ADORA2B: variants seen among roughly 807,000 people sequenced by gnomAD.
The protein encoded by ADORA2B is adenosine receptor A2b.
In ADORA2B, 18 loss-of-function variants were observed where a neutral mutation model predicts 20.8. The ratio of observed to expected loss-of-function variants is 0.87; its 90% CI spans 0.60 to 1.29. The LOEUF is 1.29. Among genes scored for constraint, ADORA2B ranks in the 50% most tolerant of loss-of-function variants. The probability of loss-of-function intolerance (pLI) is 0.00; values close to 1 mark genes in which losing one functional copy is unlikely to be tolerated. For synonymous variants in ADORA2B, 179 were observed against 178.3 expected (o/e 1.00, Z -0.03); for missense variants, 441 against 422.7 (o/e 1.04, Z -0.38).
At chr17:15,933,774 GTATATA>G in the ADORA2B span, among the ~76,000 whole-genome samples, 1 of 139,706 alleles carries the variant, frequency 7.2e-6, no homozygotes, top group Non-Finnish European at 1.6e-5. Flanking sequence ...ATATGTGTGT[GTATATA>G]TATATATATA....
At chr17:15,900,449 T>C in the ADORA2B span, among the ~76,000 whole-genome samples, 1 of 152,124 alleles carries the variant, frequency 6.6e-6, no homozygotes, top group African/African-American at 2.4e-5. Context: ...TTTTTATTTT[T>C]TATTTTTTAT....
chr17:15,933,616 C>T, the ADORA2B span, among the ~76,000 whole-genome samples: 516 of 152,128 alleles, frequency 3.4e-3, 2 homozygotes, highest in African/African-American at 0.012. Flanking sequence ...AGTAAAGATA[C>T]AATTAATTTT....
the ADORA2B span, among the ~76,000 whole-genome samples, chr17:15,926,754 T>G: frequency 6.6e-6 from 1 of 152,110 alleles, no homozygotes; most frequent in Non-Finnish European, 1.5e-5. Context: ...GAGGATCGCT[T>G]GAGCTCAAGA....
At chr17:15,894,232 C>T in the ADORA2B span, among the ~76,000 whole-genome samples, 1 of 152,214 alleles carries the variant, frequency 6.6e-6, no homozygotes, top group Admixed American at 6.5e-5. Context: ...CTGAACTACA[C>T]AGACAAGCAA....
chr17:15,952,905 T>G (rs1969923199), intron 1 of ADORA2B, among the ~76,000 whole-genome samples: 1 of 152,256 alleles, frequency 6.6e-6, no homozygotes, highest in East Asian at 1.9e-4. Context: ...ACTCCGAGGC[T>G]AACCAGCTGG....
At chr17:15,874,038 A>ATGTGTG in the ADORA2B span, among the ~76,000 whole-genome samples, 16 of 131,414 alleles carry the variant, frequency 1.2e-4, no homozygotes, top group African/African-American at 4.4e-4. Context: ...CTGTATATAT[A>ATGTGTG]TGTGTATATA....
the ADORA2B span, among the ~76,000 whole-genome samples, chr17:15,917,308 G>A: frequency 1.3e-5 from 2 of 152,174 alleles, no homozygotes; most frequent in East Asian, 1.9e-4. Flanking sequence ...TGCCTGCCAC[G>A]GTACGCTGGT....
At chr17:15,905,818 G>C in the ADORA2B span, among the ~76,000 whole-genome samples, 1 of 151,692 alleles carries the variant, frequency 6.6e-6, no homozygotes, top group South Asian at 2.1e-4. Flanking sequence ...CCCATGCCCA[G>C]CTAATTTTTG....
chr17:15,909,624 T>C, the ADORA2B span, among the ~76,000 whole-genome samples: 1 of 152,200 alleles, frequency 6.6e-6, no homozygotes, highest in African/African-American at 2.4e-5. Context: ...CACAGGCTTG[T>C]CCTCCACAGA....
chr17:15,966,600 C>T (rs545484033), intron 1 of ADORA2B, among the ~76,000 whole-genome samples: 1 of 152,312 alleles, frequency 6.6e-6, no homozygotes, highest in African/African-American at 2.4e-5. Flanking sequence ...CACGCTGTTT[C>T]CTTTTGTTGA....
At chr17:15,880,647 C>G in the ADORA2B span, among the ~76,000 whole-genome samples, 46,915 of 147,424 alleles carry the variant, frequency 0.32, 8,248 homozygotes, top group African/African-American at 0.45. Context: ...CGGTGAGAAA[C>G]CAGGGTGAAC....
chr17:15,926,197 A>G, the ADORA2B span, among the ~76,000 whole-genome samples: 7 of 152,070 alleles, frequency 4.6e-5, no homozygotes, highest in Non-Finnish European at 8.8e-5. Context: ...ACAGGCTCCT[A>G]TGTGCCAGGC....
intron 1 of ADORA2B, among the ~76,000 whole-genome samples, chr17:15,961,688 C>G (rs1597427266): frequency 6.6e-6 from 1 of 152,292 alleles, no homozygotes; most frequent in South Asian, 2.1e-4. Flanking sequence ...TATTAAGGTG[C>G]CAGCATCTGG....
chr17:15,943,097 G>A (rs1294591788), upstream of ADORA2B, among the ~76,000 whole-genome samples: 3 of 152,196 alleles, frequency 2.0e-5, no homozygotes, highest in South Asian at 2.1e-4. Context: ...CAGAACTCAC[G>A]TGACCAGGAC....
At chr17:15,885,704 A>T in the ADORA2B span, among the ~76,000 whole-genome samples, 1 of 143,334 alleles carries the variant, frequency 7.0e-6, no homozygotes, top group Non-Finnish European at 1.5e-5. Context: ...ACAGAGCAAG[A>T]CTCCGTATCA....
At chr17:15,858,000 A>T in the ADORA2B span, among the ~76,000 whole-genome samples, 1 of 142,450 alleles carries the variant, frequency 7.0e-6, no homozygotes, top group African/African-American at 2.5e-5. Flanking sequence ...TTCTTCATCC[A>T]TTCATCTGGT....
the ADORA2B span, among the ~76,000 whole-genome samples, chr17:15,934,954 A>G: frequency 6.6e-6 from 1 of 151,988 alleles, no homozygotes; most frequent in African/African-American, 2.4e-5. Context: ...CCACAAGCGC[A>G]TGCCACCATG....
Position 15,947,550 on chromosome 17 carries a change from A to G in ADORA2B, c.335+1967A>G, listed in dbSNP as rs35747920. On this transcript the variant is annotated intron_variant, in intron 1 of 1. Transcript: ENST00000304222. ...AGGGAAGAACACTGAGGCTCGCCCC[A>G]TCCTGCCTTCCTGGCCCGTCCAGAG... Among the ~76,000 whole-genome samples, 11 of 152,330 alleles carry G rather than the reference A, an allele frequency of 7.2e-5. No individual in the cohort carries two copies. The East Asian group carries it at 2.1e-3, about 30-fold the overall frequency.
At chr17:15,963,061 G>A (rs550283973) in intron 1 of ADORA2B, among the ~76,000 whole-genome samples, 128 of 152,250 alleles carry the variant, frequency 8.4e-4, no homozygotes, top group African/African-American at 2.8e-3. Flanking sequence ...TGCTACTGGA[G>A]TATCCTTTTT....
Sources: gnomAD v4.1 joint callset for allele counts (sites outside exome capture counted in the v4.1 genomes callset) on GRCh38, gnomAD v4.1.1 for gene constraint, MANE v1.5 for transcripts, NCBI Gene and HGNC (gene_info 2026-07-23, HGNC 2026-07-21) for gene names.